Variants in PDE12 observed in about 807,000 individuals in gnomAD.
PDE12 encodes phosphodiesterase 12, also known as 2',5'-phosphodiesterase 12.
A neutral mutation model predicts 45.4 loss-of-function variants in PDE12; 26 were observed. The observed-to-expected ratio is 0.57, with a 90% CI of 0.42 to 0.79. PDE12 has a LOEUF of 0.79. Ranked by LOEUF, PDE12 falls within the 30% of genes least tolerant of loss-of-function variation. PDE12 has a pLI of 0.00. For missense variants in PDE12, 668 were observed against 790.0 expected, an observed-to-expected ratio of 0.85 and a Z score of 1.85; for synonymous variants, 283 against 323.9, an observed-to-expected ratio of 0.87 and a Z score of 1.36.
chr3:57,597,355 C>T, the PDE12 span: 1 of 487,386 alleles, frequency 2.1e-6, no homozygotes, highest in East Asian at 3.8e-5. Flanking sequence ...GGCGCGGCAG[C>T]TCCGGCTCTA....
At chr3:57,645,572 C>T in the PDE12 span, 1 of 890,982 alleles carries the variant, frequency 1.1e-6, no homozygotes, top group African/African-American at 1.7e-5. Flanking sequence ...TAAGATCATT[C>T]TGCCTATAAG....
chr3:57,568,048 AT>A (rs2069801673), downstream of PDE12, among the ~76,000 whole-genome samples: 1 of 130,256 alleles, frequency 7.7e-6, no homozygotes, highest in African/African-American at 2.8e-5. Context: ...AGCCTGGGTG[AT>A]AAGAGTGAGA....
the PDE12 span, among the ~76,000 whole-genome samples, chr3:57,607,332 G>A: frequency 4.6e-5 from 7 of 152,254 alleles, no homozygotes; most frequent in East Asian, 1.9e-4. Context: ...AAATCAGAGC[G>A]CGTCTCCCCC....
Position 57,559,917 on chromosome 3 carries a change from T to G in PDE12, c.1743T>G (p.His581Gln). The change falls in exon 3 of 3, where the codon CAT becomes CAG. Residue 581 changes from histidine (H) to glutamine (Q), a missense_variant. Physicochemically the swap from His to Gln is conservative, Grantham distance 24. Coordinates refer to ENST00000311180, the MANE Select transcript of PDE12 (RefSeq NM_177966.7). ...EVEQVIPLPSHEEVTTHQALP... is the reference protein window; with the variant it reads ...EVEQVIPLPSQEEVTTHQALP... Reference sequence around the variant, plus strand: ...AACAGGTGATTCCATTACCTAGTCATGAAGAAGTTACCACCCACCAGGCCT... The same window carrying G: ...AACAGGTGATTCCATTACCTAGTCAGGAAGAAGTTACCACCCACCAGGCCT... 2 of 1,613,992 alleles carry G rather than the reference T, an allele frequency of 1.2e-6. No individual in the cohort carries two copies. Among genetic ancestry groups the G allele is most frequent in the Non-Finnish European group, 1.7e-6 (2 of 1,180,028 alleles).
the PDE12 span, among the ~76,000 whole-genome samples, chr3:57,636,166 T>G: frequency 6.6e-6 from 1 of 152,210 alleles, no homozygotes; most frequent in African/African-American, 2.4e-5. Flanking sequence ...ACAGATTTTC[T>G]ACTACACAGG....
At chr3:57,630,728 T>C in the PDE12 span, 1 of 1,613,496 alleles carries the variant, frequency 6.2e-7, no homozygotes, top group Non-Finnish European at 8.5e-7. Context: ...TAAAGTCCAA[T>C]CCAATCGCCT....
the PDE12 span, among the ~76,000 whole-genome samples, chr3:57,572,859 G>C: frequency 2.6e-5 from 4 of 152,050 alleles, no homozygotes; most frequent in African/African-American, 9.6e-5. Context: ...TATAACTCTC[G>C]TTTCCCATAA....
the PDE12 span, among the ~76,000 whole-genome samples, chr3:57,644,453 A>C: frequency 6.6e-6 from 1 of 151,170 alleles, no homozygotes; most frequent in East Asian, 2.0e-4. Context: ...CTACAGATGC[A>C]TGCCACCACA....
chr3:57,624,469 T>A, the PDE12 span, among the ~76,000 whole-genome samples: 3 of 151,684 alleles, frequency 2.0e-5, no homozygotes, highest in Non-Finnish European at 4.4e-5. Flanking sequence ...TTTAAAAAAC[T>A]TTTTTTAGAG....
At chr3:57,609,527 C>T in the PDE12 span, among the ~76,000 whole-genome samples, 97 of 151,862 alleles carry the variant, frequency 6.4e-4, no homozygotes, top group East Asian at 7.3e-3. Context: ...ATCAAATAGA[C>T]GCAATAAAAA....
the PDE12 span, among the ~76,000 whole-genome samples, chr3:57,622,622 A>T: frequency 6.6e-6 from 1 of 152,192 alleles, no homozygotes; most frequent in Non-Finnish European, 1.5e-5. Flanking sequence ...CCATCCAAGG[A>T]CTAGTACATG....
chr3:57,644,765 GGT>G, the PDE12 span, among the ~76,000 whole-genome samples: 1 of 3,850 alleles, frequency 2.6e-4, no homozygotes, highest in Non-Finnish European at 4.8e-4. Context: ...GGAGGGGAGG[GGT>G]GAGGAGGGGA....
chr3:57,645,879 G>A, the PDE12 span: 3 of 662,642 alleles, frequency 4.5e-6, no homozygotes, highest in South Asian at 2.0e-5. Flanking sequence ...TTTAATAAAT[G>A]GTAAACTCAT....
At position 57,556,706 on chromosome 3, in the gene PDE12, A is replaced by C; in HGVS notation, c.327A>C (p.Ser109=). The C allele has an allele frequency of 6.3e-7, 1 of 1,596,462 alleles. No homozygotes were observed. The highest frequency in any genetic ancestry group is 8.6e-7 in the Non-Finnish European group (1 of 1,168,622). The change falls in exon 1 of 3, where the codon TCA becomes TCC. Residue 109 remains serine (S), a synonymous_variant. Transcript: ENST00000311180. This position sits in a 1 kb window ranked among gnomAD's most constrained non-coding sequence, Gnocchi z 5.0. ...RPNASGGAAC[S]GPGPEPAVFC... is the part of the protein sequence containing the mutation. ...ATGCTAGCGGCGGTGCGGCCTGTTC[A>C]GGGCCGGGGCCTGAGCCGGCTGTGT...
the PDE12 span, among the ~76,000 whole-genome samples, chr3:57,606,345 A>C: frequency 2.0e-5 from 3 of 152,190 alleles, no homozygotes; most frequent in African/African-American, 7.2e-5. Flanking sequence ...AAAATAGGGA[A>C]AGTAAAAAAG....
In PDE12 at chr3:57,560,736, C is replaced by A; in HGVS notation, c.*732C>A. 2 of 984,396 alleles carry A rather than the reference C, an allele frequency of 2.0e-6. No individual in the cohort carries two copies. Among genetic ancestry groups the A allele is most frequent in the Non-Finnish European group, 2.4e-6 (2 of 828,760 alleles). The allele number at this position is 984,396 out of a possible 1,614,324, so 61.0% of individuals were successfully genotyped here. Reference sequence around the variant, plus strand: ...CATGACAACACATTCCAAAATGAATCATGCTTATGTACTAAGAGGGAAAAT... The same window carrying A: ...CATGACAACACATTCCAAAATGAATAATGCTTATGTACTAAGAGGGAAAAT... On this transcript the variant is annotated 3_prime_UTR_variant, in exon 3 of 3. Transcript: ENST00000311180.
At position 57,560,527 on chromosome 3, in the gene PDE12, C is replaced by T. The variant is rs942573209; in HGVS notation, c.*523C>T. On this transcript the variant is annotated 3_prime_UTR_variant, in exon 3 of 3. Coordinates refer to ENST00000311180, the MANE Select transcript of PDE12 (RefSeq NM_177966.7). ...TTTTAGTAGAAATGGGGTTTCGCCA[C>T]GTTGGCCAGGCTGGTCTTGAACTCC... 4 of 509,134 alleles carry T rather than the reference C, an allele frequency of 7.9e-6. No individual in the cohort carries two copies. The highest frequency in any genetic ancestry group is 1.5e-4 in the East Asian group (1 of 6,714). 31.5% of individuals were successfully genotyped at this position (509,134 alleles called of 1,614,324 possible).
rs1372963332 is a variant in PDE12, at chr3:57,557,036, C to A, written c.657C>A (p.Ser219=). 1 of 1,614,096 alleles carries A rather than the reference C, an allele frequency of 6.2e-7. No homozygotes were observed. ...GTGTCCCCTCGTCATTGTCTCCCTC[C>A]TCACCTTCTTCTTCTTGGACTGAGA... ...EVGVPSSLSP[S]SPSSSWTETD... Residue 219 remains serine, a synonymous_variant, in exon 1 of 3, where the codon TCC becomes TCA. Coordinates refer to ENST00000311180, the MANE Select transcript of PDE12 (RefSeq NM_177966.7).
the PDE12 span, among the ~76,000 whole-genome samples, chr3:57,629,295 T>C: frequency 6.6e-6 from 1 of 152,210 alleles, no homozygotes; most frequent in African/African-American, 2.4e-5. Context: ...GGATATGCTC[T>C]TCCTGGGCTT....
Sources: gnomAD v4.1 joint callset for allele counts (sites outside exome capture counted in the v4.1 genomes callset) on GRCh38, gnomAD v4.1.1 for gene constraint, Gnocchi (gnomAD v3.1) non-coding constraint, MANE v1.5 for transcripts, NCBI Gene and HGNC (gene_info 2026-07-23, HGNC 2026-07-21) for gene names.